Variants in COLGALT2 observed in about 807,000 individuals in gnomAD.
COLGALT2 encodes the protein procollagen galactosyltransferase 2.
COLGALT2 carries 49 observed loss-of-function variants against 73.4 expected under a neutral mutation model. That is an observed-to-expected ratio of 0.67 (90% CI 0.53 to 0.85). The LOEUF (loss-of-function observed/expected upper bound fraction) is 0.85. COLGALT2 is among the 40% of genes least tolerant of loss of function. The probability of loss-of-function intolerance (pLI) is 0.00; values close to 1 mark genes in which losing one functional copy is unlikely to be tolerated. For missense variants in COLGALT2, 722 were observed against 790.2 expected (o/e 0.91, Z 1.03); for synonymous variants, 295 against 307.6 (o/e 0.96, Z 0.43).
intron 6 of COLGALT2, among the ~76,000 whole-genome samples, chr1:183,963,132 G>A (rs1194556063): frequency 6.6e-6 from 1 of 152,226 alleles, no homozygotes; most frequent in Non-Finnish European, 1.5e-5. Flanking sequence ...CATAGCTACT[G>A]ATGACTGAGC....
At chr1:183,929,875 G>T (rs912056473) in exon 12 of COLGALT2, 2 of 177,874 alleles carry the variant, frequency 1.1e-5, no homozygotes, top group Non-Finnish European at 2.4e-5. Context: ...TAAGACCGAG[G>T]TTTATTTTTT....
In COLGALT2 at chr1:183,936,780, A is replaced by G. The variant is rs1358826930; in HGVS notation, c.*1981T>C. On this transcript the variant is annotated 3_prime_UTR_variant, in exon 12 of 12. Transcript: ENST00000361927. ...GGAAAGGAAGTCACACTGACAGCTAAGTCTAAGCGGCACAATTTAGAGTTG... is the reference window on the plus strand; with the variant it reads ...GGAAAGGAAGTCACACTGACAGCTAGGTCTAAGCGGCACAATTTAGAGTTG... 3 of 1,231,426 alleles carry G rather than the reference A, an allele frequency of 2.4e-6. No individual in the cohort carries two copies. The highest frequency in any genetic ancestry group is 2.0e-6 in the Non-Finnish European group (2 of 987,950). The allele number at this position is 1,231,426 out of a possible 1,614,324, so 76.3% of individuals were successfully genotyped here.
Position 184,022,805 on chromosome 1 carries a change from T to C in COLGALT2, c.263+14290A>G, listed in dbSNP as rs146308870. Among the ~76,000 whole-genome samples, 13 of 152,364 alleles carry C rather than the reference T, an allele frequency of 8.5e-5. No individual in the cohort carries two copies. The East Asian group carries it at 1.7e-3, about 20-fold the overall frequency. On this transcript the variant is annotated intron_variant, in intron 1 of 11. Coordinates refer to ENST00000361927, the MANE Select transcript of COLGALT2 (RefSeq NM_015101.4). ...TCAGTCCATTAAATCACATTGACTATGATATCAAAGTGAAAACTCATTAGG... is the reference window on the plus strand; with the variant it reads ...TCAGTCCATTAAATCACATTGACTACGATATCAAAGTGAAAACTCATTAGG...
In COLGALT2 at chr1:183,938,929, G is replaced by A; in HGVS notation, c.1713C>T (p.Asp571=). The A allele has an allele frequency of 6.2e-7, 1 of 1,614,156 alleles. No individual in the cohort carries two copies. Among genetic ancestry groups the A allele is most frequent in the African/African-American group, 1.3e-5 (1 of 75,026 alleles). ...HYTGQPGYLS[D]TETSTIWDNE... is the part of the protein sequence containing the mutation. ...TGTCCCAGATGGTGGAGGTCTCCGT[G>A]TCACTCAGGTACCCCGGCTGGCCTG... Residue 571 remains aspartate (D), a synonymous_variant, in exon 12 of 12, where the codon GAC becomes GAT. Coordinates refer to ENST00000361927, the MANE Select transcript of COLGALT2 (RefSeq NM_015101.4).
At chr1:183,933,764 C>T (rs571619784), downstream of COLGALT2, among the ~76,000 whole-genome samples, 3 of 152,348 alleles carry the variant, frequency 2.0e-5, no homozygotes, top group East Asian at 5.8e-4. Flanking sequence ...AGAGCTAGTG[C>T]TCTGTGGGCC....
At chr1:184,024,158 G>A (rs74132765) in intron 1 of COLGALT2, among the ~76,000 whole-genome samples, 1 of 152,254 alleles carries the variant, frequency 6.6e-6, no homozygotes, top group African/African-American at 2.4e-5. Context: ...GGCTAGAAAA[G>A]TCTTGAAAGA....
chr1:184,035,620 C>T (rs1017493567), intron 1 of COLGALT2, among the ~76,000 whole-genome samples: 10 of 152,210 alleles, frequency 6.6e-5, no homozygotes, highest in Non-Finnish European at 4.4e-5. Context: ...CTGACACCTG[C>T]TTCACCACTC....
At chr1:184,033,254 T>C (rs1483551920) in intron 1 of COLGALT2, among the ~76,000 whole-genome samples, 1 of 152,184 alleles carries the variant, frequency 6.6e-6, no homozygotes, top group Admixed American at 6.5e-5. Flanking sequence ...TAATCATAGG[T>C]TTAAGGAGGA....
chr1:183,986,573 G>T (rs1029620731), intron 1 of COLGALT2, among the ~76,000 whole-genome samples: 2 of 152,050 alleles, frequency 1.3e-5, no homozygotes, highest in Admixed American at 1.3e-4. Flanking sequence ...TGATTGACCA[G>T]TTAACAGTCA....
chr1:183,962,154 CT>C lies in COLGALT2; in HGVS notation c.952+1746del, dbSNP rs34873073. Reference sequence around the variant, plus strand: ...TTTCTTTTCTTTTCTTTTTCTCTTTCTTTTTTTTTTTTTTTTTTTTTTTGAG... The same window carrying C: ...TTTCTTTTCTTTTCTTTTTCTCTTTCTTTTTTTTTTTTTTTTTTTTTTGAG... On this transcript the variant is annotated intron_variant, in intron 6 of 11. Transcript: ENST00000361927. Among the ~76,000 whole-genome samples the C allele has an allele frequency of 5.6e-3, 477 of 85,510 alleles. 1 individual carries two copies. Among genetic ancestry groups the C allele is most frequent in the East Asian group, 0.024 (61 of 2,496 alleles). The allele number at this position is 85,510 out of a possible 152,430, so 56.1% of individuals were successfully genotyped here.
chr1:183,987,041 T>TA (rs1191587230), intron 1 of COLGALT2, among the ~76,000 whole-genome samples: 20 of 150,886 alleles, frequency 1.3e-4, no homozygotes, highest in Non-Finnish European at 4.4e-5. Context: ...AGGATGGAAA[T>TA]GCTCTAGCAA....
intron 6 of COLGALT2, 139 bp downstream of exon 6, chr1:183,963,762 G>A (rs1249990310): frequency 9.6e-6 from 9 of 933,032 alleles, no homozygotes; most frequent in Non-Finnish European, 1.2e-5. Flanking sequence ...AGGAAAGAAT[G>A]AACAAATAAA....
At chr1:183,946,443 C>T (rs1485302347) in intron 8 of COLGALT2, 2 of 152,146 alleles carry the variant, frequency 1.3e-5, no homozygotes, top group East Asian at 3.9e-4. Context: ...TCTCTCACCT[C>T]TGGCTGACCT....
intron 1 of COLGALT2, among the ~76,000 whole-genome samples, chr1:183,983,848 C>T (rs1671418188): frequency 6.6e-6 from 1 of 152,178 alleles, no homozygotes; most frequent in Admixed American, 6.5e-5. Flanking sequence ...AAATCGCAGA[C>T]ATCACTAATG....
intron 1 of COLGALT2, among the ~76,000 whole-genome samples, chr1:183,995,405 C>A (rs1400310764): frequency 6.6e-6 from 1 of 152,214 alleles, no homozygotes; most frequent in Non-Finnish European, 1.5e-5. Context: ...AAAACCTTAG[C>A]AAAGTGGAAT....
chr1:184,020,645 C>G (rs777023631), intron 1 of COLGALT2, among the ~76,000 whole-genome samples: 1 of 152,142 alleles, frequency 6.6e-6, no homozygotes, highest in Admixed American at 6.5e-5. Context: ...GAGCTCTACC[C>G]CATTATTCTG....
rs1649739640 is a variant in COLGALT2, at chr1:184,037,631, C to T, written c.-274G>A. ...CCTCGGGCTCGCAGACAGTAGTGGC[C>T]GAGGGGCTGTGTGCCCTGAGTCCTG... On this transcript the variant is annotated 5_prime_UTR_variant, in exon 1 of 12. Coordinates refer to ENST00000361927, the MANE Select transcript of COLGALT2 (RefSeq NM_015101.4). 9.5e-7 allele frequency: 1 copy of T among 1,054,344 alleles called. No homozygotes were observed. The highest frequency in any genetic ancestry group is 1.1e-6 in the Non-Finnish European group (1 of 875,598). 65.3% of individuals were successfully genotyped at this position (1,054,344 alleles called of 1,614,324 possible).
At chr1:183,986,703 A>C (rs1331182262) in intron 1 of COLGALT2, among the ~76,000 whole-genome samples, 2 of 152,172 alleles carry the variant, frequency 1.3e-5, no homozygotes, top group South Asian at 2.1e-4. Context: ...TGTGTTAAGA[A>C]CTTCTCAACA....
intron 1 of COLGALT2, among the ~76,000 whole-genome samples, chr1:184,011,596 T>C (rs562955242): frequency 6.6e-6 from 1 of 152,236 alleles, no homozygotes; most frequent in Non-Finnish European, 1.5e-5. Flanking sequence ...CAATCGGCTG[T>C]TATGCTTCTT....
Sources: gnomAD v4.1 joint callset for allele counts (sites outside exome capture counted in the v4.1 genomes callset) on GRCh38, gnomAD v4.1.1 for gene constraint, MANE v1.5 for transcripts, NCBI Gene and HGNC (gene_info 2026-07-23, HGNC 2026-07-21) for gene names.